Variants in RASEF observed in about 807,000 individuals in gnomAD.
RASEF encodes RAS and EF-hand domain containing, also known as ras and EF-hand domain-containing protein.
RASEF carries 68 observed loss-of-function variants against 90.1 expected under a neutral mutation model. The observed-to-expected ratio is 0.75, with a 90% CI of 0.62 to 0.92. RASEF has a LOEUF of 0.92. Ranked by LOEUF, RASEF falls within the 40% of genes least tolerant of loss-of-function variation. The probability of loss-of-function intolerance (pLI) is 0.00; values close to 1 mark genes in which losing one functional copy is unlikely to be tolerated. For synonymous variants in RASEF, 331 were observed against 345.2 expected (o/e 0.96, Z 0.46); for missense variants, 949 against 937.2 (o/e 1.01, Z -0.16).
chr9:83,033,915 G>A (rs568640326), intron 1 of RASEF, among the ~76,000 whole-genome samples: 2 of 152,036 alleles, frequency 1.3e-5, no homozygotes, highest in South Asian at 2.1e-4. Flanking sequence ...TGCCCTGAAC[G>A]AATCACACTT....
chr9:83,091,212 C>T, the RASEF span, among the ~76,000 whole-genome samples: 1 of 152,206 alleles, frequency 6.6e-6, no homozygotes, highest in African/African-American at 2.4e-5. Flanking sequence ...CCTATACCTG[C>T]ACACGACCTT....
the RASEF span, among the ~76,000 whole-genome samples, chr9:83,123,237 C>CAAAAAAA: frequency 7.2e-5 from 6 of 83,400 alleles, no homozygotes; most frequent in African/African-American, 1.8e-4. Context: ...GAGACTCCAT[C>CAAAAAAA]AAAAAAAAAA....
chr9:83,217,638 G>T, the RASEF span, among the ~76,000 whole-genome samples: 1 of 152,164 alleles, frequency 6.6e-6, no homozygotes, highest in African/African-American at 2.4e-5. Flanking sequence ...CTCCTCCTTC[G>T]CCTTCCGCCA....
At chr9:83,200,747 G>A in the RASEF span, among the ~76,000 whole-genome samples, 1 of 152,110 alleles carries the variant, frequency 6.6e-6, no homozygotes, top group South Asian at 2.1e-4. Flanking sequence ...CTCATAGCAG[G>A]GCCTCAGTGA....
At chr9:83,038,223 CAT>C (rs1169533236) in intron 1 of RASEF, among the ~76,000 whole-genome samples, 2 of 152,206 alleles carry the variant, frequency 1.3e-5, no homozygotes, top group South Asian at 2.1e-4. Context: ...GAGGTAAAGA[CAT>C]AGAACCTGTG....
chr9:83,173,906 C>T, the RASEF span, among the ~76,000 whole-genome samples: 2 of 151,674 alleles, frequency 1.3e-5, no homozygotes, highest in African/African-American at 4.8e-5. Flanking sequence ...GTTCTTGATA[C>T]GGTGTTTATT....
the RASEF span, among the ~76,000 whole-genome samples, chr9:83,190,255 A>G: frequency 6.6e-6 from 1 of 152,218 alleles, no homozygotes; most frequent in Non-Finnish European, 1.5e-5. Flanking sequence ...TCTAAACTAT[A>G]TGTACAATAT....
At position 82,982,795 on chromosome 9, in the gene RASEF, TAGAGAGAGACAGAGAGAGAG is replaced by T. The variant is rs1828636370; in HGVS notation, c.2118-33_2118-14del. The T allele has an allele frequency of 2.2e-6, 3 of 1,335,702 alleles. No homozygotes were observed. Among genetic ancestry groups the T allele is most frequent in the Non-Finnish European group, 3.2e-6 (3 of 945,958 alleles). The allele number at this position is 1,335,702 out of a possible 1,614,324, so 82.7% of individuals were successfully genotyped here. On this transcript the variant is annotated splice_polypyrimidine_tract_variant and intron_variant, in intron 16 of 16. Transcript: ENST00000376447. Reference sequence around the variant, plus strand: ...CTTTTTCACTTCTCTGAGACAGAGATAGAGAGAGACAGAGAGAGAGAGAGAGAGAGAGAGAGAGGATTACT... The same window carrying T: ...CTTTTTCACTTCTCTGAGACAGAGATAGAGAGAGAGAGAGAGAGGATTACT...
At chr9:83,082,457 CG>C in the RASEF span, among the ~76,000 whole-genome samples, 2 of 152,106 alleles carry the variant, frequency 1.3e-5, no homozygotes, top group Non-Finnish European at 2.9e-5. Context: ...CTGGTTTTAT[CG>C]TTTGCACCAG....
chr9:83,137,806 A>AAAG, the RASEF span, among the ~76,000 whole-genome samples: 10 of 151,126 alleles, frequency 6.6e-5, no homozygotes, highest in African/African-American at 2.2e-4. Context: ...AAAAAAAAAA[A>AAAG]TGAATAGAAA....
At chr9:83,014,013 G>T (rs185706917) in intron 4 of RASEF, among the ~76,000 whole-genome samples, 1 of 152,258 alleles carries the variant, frequency 6.6e-6, no homozygotes, top group East Asian at 1.9e-4. Flanking sequence ...GACCACTTGG[G>T]CCTCATCAGT....
the RASEF span, among the ~76,000 whole-genome samples, chr9:83,176,749 T>C: frequency 6.6e-6 from 1 of 151,992 alleles, no homozygotes; most frequent in African/African-American, 2.4e-5. Flanking sequence ...TAAATGTTAC[T>C]CCTTTATAGC....
chr9:83,033,272 C>T (rs898872897), intron 1 of RASEF, among the ~76,000 whole-genome samples: 8 of 152,122 alleles, frequency 5.3e-5, no homozygotes. Context: ...CTTGAAAATG[C>T]TAGGAAGCCA....
intron 1 of RASEF, among the ~76,000 whole-genome samples, chr9:83,061,830 A>C (rs1345826669): frequency 6.6e-6 from 1 of 152,254 alleles, no homozygotes; most frequent in Non-Finnish European, 1.5e-5. Flanking sequence ...CAAGTCCCTT[A>C]ACGTCTGTCT....
intron 3 of RASEF, among the ~76,000 whole-genome samples, chr9:83,019,653 T>C (rs376268096): frequency 1.3e-5 from 2 of 152,220 alleles, no homozygotes; most frequent in Non-Finnish European, 2.9e-5. Flanking sequence ...TAATTTGCAA[T>C]AGCCAACAAC....
At chr9:83,141,428 A>C in the RASEF span, among the ~76,000 whole-genome samples, 1 of 152,212 alleles carries the variant, frequency 6.6e-6, no homozygotes, top group African/African-American at 2.4e-5. Flanking sequence ...AGAATAAAAA[A>C]TTAAGGAAGA....
At chr9:82,989,417 CTCCTTCCTGCTAACTTT>C (rs1385415426) in intron 16 of RASEF, among the ~76,000 whole-genome samples, 2 of 152,148 alleles carry the variant, frequency 1.3e-5, no homozygotes, top group Non-Finnish European at 2.9e-5. Flanking sequence ...CTAACACATC[CTCCTTCCTGCTAACTTT>C]TCCTTCCTGG....
chr9:83,210,254 G>A, the RASEF span, among the ~76,000 whole-genome samples: 1 of 152,142 alleles, frequency 6.6e-6, no homozygotes, highest in African/African-American at 2.4e-5. Flanking sequence ...GGGGCCAAGG[G>A]GACTGCAGGA....
At position 83,015,878 on chromosome 9, in the gene RASEF, G is replaced by C. The variant is rs1333757774; in HGVS notation, c.692C>G (p.Ala231Gly). The stretch of plus-strand genomic sequence containing the variant: ...ATACTGACGTCTGAGGTCACTGAGG[G>C]CTTCCTCAGCTTTGCGTTTTTCCTA... The part of the protein sequence containing the change: ...RKDEKRKAEE[A>G]LSDLRRQYET... Residue 231 changes from alanine (A) to glycine (G), a missense_variant, in exon 4 of 17, where the codon GCC becomes GGC. Ala to Gly is a moderately conservative substitution (Grantham distance 60, BLOSUM62 0). Around this residue, in one of 3 missense-constraint regions of RASEF, gnomAD observed 656 missense variants for 592.2 expected, o/e 1.11. Transcript: ENST00000376447. 22 of 1,613,232 alleles carry C rather than the reference G, an allele frequency of 1.4e-5. No homozygotes were observed. The highest frequency in any genetic ancestry group is 1.9e-5 in the Non-Finnish European group (22 of 1,179,588).
Sources: gnomAD v4.1 joint callset for allele counts (sites outside exome capture counted in the v4.1 genomes callset) on GRCh38, gnomAD v4.1.1 for gene constraint, gnomAD v4.1.1 regional missense constraint, MANE v1.5 for transcripts, NCBI Gene and HGNC (gene_info 2026-07-23, HGNC 2026-07-21) for gene names.